TUSC3: variants seen among roughly 807,000 people sequenced by gnomAD.
TUSC3 encodes dolichyl-diphosphooligosaccharide--protein glycosyltransferase subunit TUSC3.
A neutral mutation model predicts 44.8 loss-of-function variants in TUSC3; 45 were observed. That is an observed-to-expected ratio of 1.00 (90% CI 0.79 to 1.29). TUSC3 has a LOEUF of 1.29. Ranked by LOEUF, TUSC3 falls within the 50% of genes most tolerant of loss-of-function variation. TUSC3 has a pLI of 0.00. For missense variants in TUSC3, 519 were observed against 437.9 expected (o/e 1.19, Z -1.65); for synonymous variants, 212 against 152.9 (o/e 1.39, Z -2.85).
At chr8:15,797,396 T>C in the TUSC3 span, among the ~76,000 whole-genome samples, 1 of 152,164 alleles carries the variant, frequency 6.6e-6, no homozygotes, top group African/African-American at 2.4e-5. Flanking sequence ...GCAGTCTTCC[T>C]TGATGCCAGA....
At chr8:15,504,607 ATATATATATATATATTTTTTTTTT>A (rs1468492431) in intron 2 of TUSC3, among the ~76,000 whole-genome samples, 51 of 25,124 alleles carry the variant, frequency 2.0e-3, no homozygotes, top group African/African-American at 8.8e-3. Flanking sequence ...ATATATATAT[ATATATATATATATATTTTTTTTTT>A]TTTTTTTTTT....
At chr8:15,522,167 T>C (rs766693773) in intron 2 of TUSC3, among the ~76,000 whole-genome samples, 1 of 152,146 alleles carries the variant, frequency 6.6e-6, no homozygotes, top group African/African-American at 2.4e-5. Flanking sequence ...TCCAGGTAGC[T>C]TTACCAAGCT....
At chr8:15,511,821 A>G (rs777173205) in intron 2 of TUSC3, among the ~76,000 whole-genome samples, 1 of 152,120 alleles carries the variant, frequency 6.6e-6, no homozygotes, top group Non-Finnish European at 1.5e-5. Context: ...CAGTGAGCCA[A>G]GATTGCGCCA....
chr8:15,663,623 G>A (rs115862689), intron 5 of TUSC3, among the ~76,000 whole-genome samples: 28 of 151,926 alleles, frequency 1.8e-4, no homozygotes, highest in African/African-American at 6.7e-4. Context: ...TAGATGTTTG[G>A]CCTTTTAAGA....
At chr8:15,478,959 T>C (rs1800621713) in intron 1 of TUSC3, among the ~76,000 whole-genome samples, 2 of 152,206 alleles carry the variant, frequency 1.3e-5, no homozygotes, top group African/African-American at 4.8e-5. Flanking sequence ...TCTTGACTTT[T>C]TAATAACCAT....
chr8:15,446,588 G>C (rs576293927), intron 1 of TUSC3, among the ~76,000 whole-genome samples: 31 of 151,820 alleles, frequency 2.0e-4, no homozygotes, highest in African/African-American at 7.0e-4. Context: ...CGAGTCAGGC[G>C]TGGCGGCGGG....
chr8:15,563,970 G>A (rs1212605088), intron 1 of TUSC3, among the ~76,000 whole-genome samples: 2 of 152,046 alleles, frequency 1.3e-5, no homozygotes, highest in Non-Finnish European at 2.9e-5. Flanking sequence ...CATTGAGTCT[G>A]AAACAATTGT....
the TUSC3 span, among the ~76,000 whole-genome samples, chr8:15,836,411 A>G: frequency 6.6e-6 from 1 of 150,466 alleles, no homozygotes. Flanking sequence ...TGGGAGGTGG[A>G]GGTTGCAGTG....
chr8:15,523,652 ATATATATATATATGTGTGTGTGTG>A (rs1319669473), intron 2 of TUSC3, among the ~76,000 whole-genome samples: 523 of 28,362 alleles, frequency 0.018, 13 homozygotes, highest in South Asian at 0.061. Context: ...ATATATATAT[ATATATATATATATGTGTGTGTGTG>A]TGTGTGTGTG....
intron 4 of TUSC3, among the ~76,000 whole-genome samples, chr8:15,661,598 G>T (rs10102495): frequency 0.056 from 8,459 of 151,914 alleles, 746 homozygotes; most frequent in African/African-American, 0.19. Context: ...TGATCAAGAT[G>T]TTTCCCATTT....
intron 5 of TUSC3, among the ~76,000 whole-genome samples, chr8:15,668,774 T>C (rs561949447): frequency 6.6e-6 from 1 of 151,928 alleles, no homozygotes; most frequent in African/African-American, 2.4e-5. Flanking sequence ...TATTGTCTAG[T>C]GTCACTTTTG....
chr8:15,631,907 G>C (rs1377572432), intron 2 of TUSC3, among the ~76,000 whole-genome samples: 1 of 151,860 alleles, frequency 6.6e-6, no homozygotes, highest in African/African-American at 2.4e-5. Context: ...TGGGGTTTCA[G>C]CGTGTTGGCC....
chr8:15,678,225 T>C (rs1405519666), intron 6 of TUSC3, among the ~76,000 whole-genome samples: 1 of 152,170 alleles, frequency 6.6e-6, no homozygotes, highest in Non-Finnish European at 1.5e-5. Flanking sequence ...GGCAAAGTTA[T>C]TACTTCTCCA....
chr8:15,481,183 G>A (rs572068610), intron 1 of TUSC3, among the ~76,000 whole-genome samples: 1 of 150,976 alleles, frequency 6.6e-6, no homozygotes, highest in African/African-American at 2.4e-5. Context: ...GGAAGCAGAG[G>A]CTGTGGTGAG....
At chr8:15,585,357 T>A (rs1211072929) in intron 1 of TUSC3, among the ~76,000 whole-genome samples, 1 of 152,198 alleles carries the variant, frequency 6.6e-6, no homozygotes, top group Non-Finnish European at 1.5e-5. Context: ...AGTTTCTTAT[T>A]CTGAGGTATC....
chr8:15,585,318 A>C (rs1803550350), intron 1 of TUSC3, among the ~76,000 whole-genome samples: 1 of 152,204 alleles, frequency 6.6e-6, no homozygotes, highest in African/African-American at 2.4e-5. Flanking sequence ...GGATAATGTT[A>C]CAGTCTCACC....
chr8:15,554,075 G>A (rs1188055979), intron 1 of TUSC3, among the ~76,000 whole-genome samples: 3 of 151,564 alleles, frequency 2.0e-5, no homozygotes, highest in East Asian at 3.9e-4. Flanking sequence ...CCACTTTCTC[G>A]GAGATGGCAC....
At chr8:15,445,964 C>T (rs1178070645) in intron 1 of TUSC3, among the ~76,000 whole-genome samples, 1 of 149,348 alleles carries the variant, frequency 6.7e-6, no homozygotes, top group Non-Finnish European at 1.5e-5. Flanking sequence ...CCCCCCACCT[C>T]GCGGATGGGG....
chr8:15,673,583 G>A (rs1808052176), intron 5 of TUSC3, among the ~76,000 whole-genome samples, 164 bp from the exon 6 acceptor site: 1 of 152,066 alleles, frequency 6.6e-6, no homozygotes, highest in Non-Finnish European at 1.5e-5. Flanking sequence ...GGGAGAATAA[G>A]TAACTTACTC....
Sources: allele counts gnomAD v4.1 joint callset (sites outside exome capture counted in the v4.1 genomes callset), GRCh38; gene constraint gnomAD v4.1.1; transcripts MANE v1.5; gene names NCBI Gene and HGNC (gene_info 2026-07-23, HGNC 2026-07-21).